The following OTOF variants were observed in gnomAD, a reference collection of about 807,000 sequenced individuals.
OTOF encodes the protein fer-1-like family member 2.
A neutral mutation model predicts 236.8 loss-of-function variants in OTOF; 218 were observed. That is an observed-to-expected ratio of 0.92 (90% CI 0.82 to 1.03). OTOF has a LOEUF of 1.03. Ranked by LOEUF, OTOF falls within the 50% of genes least tolerant of loss-of-function variation. OTOF has a pLI of 0.00. For synonymous variants in OTOF, 1,041 were observed against 1,072.5 expected, an observed-to-expected ratio of 0.97 and a Z score of 0.57; for missense variants, 2,590 against 2,694.4, an observed-to-expected ratio of 0.96 and a Z score of 0.86.
intron 3 of OTOF, among the ~76,000 whole-genome samples, chr2:26,522,210 A>G (rs1243106480): frequency 2.0e-5 from 3 of 152,232 alleles, no homozygotes; most frequent in African/African-American, 7.2e-5. Context: ...TCTCTCAAAT[A>G]AAAGTAAAAA....
intron 3 of OTOF, among the ~76,000 whole-genome samples, chr2:26,522,337 A>T (rs1401571641): frequency 2.0e-5 from 3 of 152,056 alleles, no homozygotes; most frequent in African/African-American, 7.3e-5. Flanking sequence ...TTTAAGCAAA[A>T]ACACAGTGCT....
chr2:26,544,148 T>C (rs1170798096), intron 1 of OTOF, among the ~76,000 whole-genome samples: 1 of 152,272 alleles, frequency 6.6e-6, no homozygotes, highest in Non-Finnish European at 1.5e-5. Context: ...TCTTATATAA[T>C]ATTTTTCAAG....
intron 1 of OTOF, among the ~76,000 whole-genome samples, chr2:26,551,804 T>G (rs1431358294): frequency 6.6e-6 from 1 of 152,222 alleles, no homozygotes; most frequent in Non-Finnish European, 1.5e-5. Context: ...CCTGATTAGT[T>G]TATAGTACTA....
chr2:26,468,038 C>G (rs1664816942), intron 33 of OTOF, among the ~76,000 whole-genome samples: 2 of 152,226 alleles, frequency 1.3e-5, no homozygotes, highest in African/African-American at 2.4e-5. Context: ...CTGTTTCAAT[C>G]AGCTTTTCCT....
At chr2:26,527,945 C>T in intron 2 of OTOF, 25 bp from the exon 3 acceptor site, 1 of 1,571,992 alleles carries the variant, frequency 6.4e-7, no homozygotes, top group Non-Finnish European at 8.8e-7. Context: ...ACAACTGCGG[C>T]TTCGGTGGCA....
intron 5 of OTOF, among the ~76,000 whole-genome samples, chr2:26,509,968 C>T (rs979069453): frequency 2.0e-5 from 3 of 152,128 alleles, no homozygotes; most frequent in Admixed American, 6.5e-5. Context: ...CCTTGGCTAC[C>T]ACTGCCCTTA....
intron 3 of OTOF, among the ~76,000 whole-genome samples, chr2:26,523,361 T>C (rs1473585856): frequency 6.6e-6 from 1 of 152,210 alleles, no homozygotes; most frequent in Non-Finnish European, 1.5e-5. Flanking sequence ...TCATACCATG[T>C]CTCTGCCTCC....
chr2:26,481,488 C>T (rs1665540012), intron 14 of OTOF, among the ~76,000 whole-genome samples: 1 of 152,228 alleles, frequency 6.6e-6, no homozygotes, highest in Non-Finnish European at 1.5e-5. Flanking sequence ...AGTCCCTTCT[C>T]TTATGGCTAA....
chr2:26,494,656 T>G (rs961660413), intron 9 of OTOF, among the ~76,000 whole-genome samples: 227 of 118,436 alleles, frequency 1.9e-3, no homozygotes, highest in African/African-American at 2.4e-3. Context: ...GGGAGTGGGG[T>G]GGGGGGGGGT....
At chr2:26,464,767 C>T (rs1032178699) in intron 39 of OTOF, 102 bp downstream of exon 39, 13 of 1,210,934 alleles carry the variant, frequency 1.1e-5, no homozygotes, top group African/African-American at 3.1e-5. Flanking sequence ...GCTGAGGACA[C>T]CCCAGGCTAG....
chr2:26,483,655 G>C lies in OTOF; in HGVS notation c.1206-7C>G. On this transcript the variant is annotated splice_polypyrimidine_tract_variant and splice_region_variant and intron_variant, in intron 12 of 46. Transcript: ENST00000272371. ...CTCGGGGAGCAGCAAGTTCCTGCCAGCACATACAGCCAGGGCCATGGTCAC... is the reference window on the plus strand; with the variant it reads ...CTCGGGGAGCAGCAAGTTCCTGCCACCACATACAGCCAGGGCCATGGTCAC... 6.2e-7 allele frequency: 1 copy of C among 1,611,288 alleles called. No individual in the cohort carries two copies. The highest frequency in any genetic ancestry group is 8.5e-7 in the Non-Finnish European group (1 of 1,179,594).
intron 35 of OTOF, 123 bp downstream of exon 35, chr2:26,466,976 C>T: frequency 1.3e-6 from 2 of 1,560,674 alleles, no homozygotes; most frequent in South Asian, 1.1e-5. Flanking sequence ...ACTGCTGAGT[C>T]ATGGGAGAGT....
At position 26,473,496 on chromosome 2, in the gene OTOF, G is replaced by A. The variant is rs375349663; in HGVS notation, c.3480C>T (p.Ile1160=). The A allele has an allele frequency of 1.4e-5, 22 of 1,612,856 alleles. No individual in the cohort carries two copies. The African/African-American group carries it at 2.0e-4, about 15-fold the overall frequency. Residue 1160 remains isoleucine (I), a synonymous_variant, in exon 28 of 47, where the codon ATC becomes ATT. Coordinates refer to ENST00000272371, the MANE Select transcript of OTOF (RefSeq NM_194248.3). The surrounding 1 kb of genome is among the most constrained non-coding windows in gnomAD (Gnocchi z 7.2). Reference sequence around the variant, plus strand: ...ACTGCACCCCCTTCCCTGCACACTCGATGTCCACCCGTGGCCGGTCCACCT... The same window carrying A: ...ACTGCACCCCCTTCCCTGCACACTCAATGTCCACCCGTGGCCGGTCCACCT... ...LAQVDRPRVD[I]ECAGKGVQSS... is the part of the protein sequence containing the mutation.
rs397515610 is a variant in OTOF, at chr2:26,502,301, G to A, written c.709C>T (p.Arg237Ter). The A allele has an allele frequency of 1.3e-5, 21 of 1,613,972 alleles. No homozygotes were observed. The highest frequency in any genetic ancestry group is 1.0e-5 in the Non-Finnish European group (12 of 1,179,922). Reference protein sequence around the residue: ...TALTTNVSNKRSKPDIKMEPS... With the variant: ...TALTTNVSNK ...GTTGCAGGGCTCCCGTCCACTCACC[G>A]CTTGTTGGAGACATTAGTGGTGAGA... The change falls in exon 7 of 47, where the codon CGA becomes TGA. Residue 237 changes from arginine (R) to a stop codon, truncating the protein, a stop_gained and splice_region_variant. Coordinates refer to ENST00000272371, the MANE Select transcript of OTOF (RefSeq NM_194248.3). LOFTEE classifies it high-confidence loss of function.
rs1383199273 is a variant in OTOF, at chr2:26,529,571, G to A, written c.139-1651C>T. Among the ~76,000 whole-genome samples, 3 of 152,156 alleles carry A rather than the reference G, an allele frequency of 2.0e-5. No individual in the cohort carries two copies. The East Asian group carries it at 5.8e-4, about 29-fold the overall frequency. ...GGCCCTCGGGAGGAGGCTTCTGTGA[G>A]CCCACCCTGCACGTTTGCCATTCCC... On this transcript the variant is annotated intron_variant, in intron 2 of 46. Transcript: ENST00000272371.
intron 5 of OTOF, among the ~76,000 whole-genome samples, chr2:26,511,592 G>T (rs1444660845): frequency 6.6e-6 from 1 of 152,238 alleles, no homozygotes. Flanking sequence ...CAGCACAGCT[G>T]CAGTCCAGCG....
intron 3 of OTOF, among the ~76,000 whole-genome samples, chr2:26,522,311 G>T (rs1293999384): frequency 6.6e-6 from 1 of 151,090 alleles, no homozygotes; most frequent in Non-Finnish European, 1.5e-5. Flanking sequence ...TCTTTCTACA[G>T]GTCTGTAACA....
chr2:26,525,132 G>A (rs545952994), intron 3 of OTOF, among the ~76,000 whole-genome samples: 3 of 152,316 alleles, frequency 2.0e-5, no homozygotes, highest in African/African-American at 7.2e-5. Context: ...CTTGCTTGTG[G>A]GTGCCAAAAG....
At chr2:26,517,457 C>T (rs1273265776) in intron 4 of OTOF, among the ~76,000 whole-genome samples, 1 of 152,236 alleles carries the variant, frequency 6.6e-6, no homozygotes, top group Non-Finnish European at 1.5e-5. Flanking sequence ...TTAATGTACA[C>T]TCATTTGATC....
Sources: gnomAD v4.1 joint callset for allele counts (sites outside exome capture counted in the v4.1 genomes callset) on GRCh38, gnomAD v4.1.1 for gene constraint, Gnocchi (gnomAD v3.1) non-coding constraint, MANE v1.5 for transcripts, NCBI Gene and HGNC (gene_info 2026-07-23, HGNC 2026-07-21) for gene names.